Variants in SLC25A13 observed in about 807,000 individuals in gnomAD.
The protein encoded by SLC25A13 is electrogenic aspartate/glutamate antiporter SLC25A13, mitochondrial.
A neutral mutation model predicts 85.5 loss-of-function variants in SLC25A13; 70 were observed. The observed-to-expected ratio is 0.82, with a 90% CI of 0.68 to 1.00. The LOEUF is 1.00. Ranked by LOEUF, SLC25A13 falls within the 50% of genes least tolerant of loss-of-function variation. The probability of loss-of-function intolerance (pLI) is 0.00; values close to 1 mark genes in which losing one functional copy is unlikely to be tolerated. For synonymous variants in SLC25A13, 259 were observed against 288.7 expected (o/e 0.90, Z 1.04); for missense variants, 765 against 819.8 (o/e 0.93, Z 0.82).
chr7:96,186,836 G>T (rs533176618), intron 9 of SLC25A13, among the ~76,000 whole-genome samples: 2 of 152,120 alleles, frequency 1.3e-5, no homozygotes, highest in African/African-American at 4.8e-5. Flanking sequence ...TATACAAAAT[G>T]ATGTCACTTT....
rs765632410 is a variant in SLC25A13, at chr7:96,121,336, T to A, written c.1883A>T (p.Asn628Ile). 5.0e-6 allele frequency: 8 copies of A among 1,614,204 alleles called. No homozygotes were observed. The South Asian group carries it at 7.7e-5, about 16-fold the overall frequency. The change falls in exon 18 of 18, where the codon AAC becomes ATC. Residue 628 changes from asparagine (N) to isoleucine (I), a missense_variant. Coordinates refer to ENST00000265631, the MANE Select transcript of SLC25A13 (RefSeq NM_014251.3). ...GTGATCAGGATTCGGGGCAGGCAGG[T>A]TGATCCTGGATTTAGGAACTGGCTC... ...GSEPVPKSRI[N>I]LPAPNPDHVG...
intron 15 of SLC25A13, among the ~76,000 whole-genome samples, chr7:96,122,309 G>C (rs1184954141): frequency 1.3e-5 from 2 of 152,180 alleles, no homozygotes; most frequent in Non-Finnish European, 2.9e-5. Flanking sequence ...AAGTGGTTGA[G>C]AATAAGTGGA....
chr7:96,151,852 G>A (rs937193460), intron 13 of SLC25A13, among the ~76,000 whole-genome samples: 2 of 151,918 alleles, frequency 1.3e-5, no homozygotes, highest in African/African-American at 4.8e-5. Context: ...GGCTGAGGCA[G>A]GAGAATCACT....
At chr7:96,286,444 G>C (rs1343290967) in intron 2 of SLC25A13, among the ~76,000 whole-genome samples, 1 of 152,072 alleles carries the variant, frequency 6.6e-6, no homozygotes, top group Non-Finnish European at 1.5e-5. Flanking sequence ...TCTTTACTTT[G>C]TATGTGTTGT....
chr7:96,138,824 C>T (rs1322720735), intron 14 of SLC25A13, among the ~76,000 whole-genome samples: 1 of 152,048 alleles, frequency 6.6e-6, no homozygotes, highest in Non-Finnish European at 1.5e-5. Flanking sequence ...TTAAGGAATC[C>T]TTTTTTTCTG....
At chr7:96,229,534 C>T (rs1796452196) in intron 4 of SLC25A13, among the ~76,000 whole-genome samples, 1 of 151,968 alleles carries the variant, frequency 6.6e-6, no homozygotes, top group Non-Finnish European at 1.5e-5. Context: ...TGTTCTTTTG[C>T]TCTTCACAAT....
chr7:96,244,143 G>A (rs184736390), intron 3 of SLC25A13, among the ~76,000 whole-genome samples: 1 of 152,078 alleles, frequency 6.6e-6, no homozygotes, highest in African/African-American at 2.4e-5. Context: ...GTCTGGGGGG[G>A]TCCTGTCCTG....
intron 2 of SLC25A13, among the ~76,000 whole-genome samples, chr7:96,285,180 A>C (rs1426211638): frequency 6.6e-6 from 1 of 152,186 alleles, no homozygotes; most frequent in East Asian, 1.9e-4. Context: ...ATTATAAAAA[A>C]TCAGCCATCT....
intron 2 of SLC25A13, among the ~76,000 whole-genome samples, chr7:96,277,592 C>T (rs1329129350): frequency 6.6e-6 from 1 of 152,054 alleles, no homozygotes; most frequent in African/African-American, 2.4e-5. Flanking sequence ...TTAAGATTGT[C>T]ATAACATGTG....
At position 96,121,926 on chromosome 7, in the gene SLC25A13, C is replaced by T. The variant is rs772632837; in HGVS notation, c.1663G>A (p.Gly555Ser). 3.1e-6 allele frequency: 5 copies of T among 1,613,996 alleles called. No homozygotes were observed. The Admixed American group carries it at 5.0e-5, about 16-fold the overall frequency. The change falls in exon 16 of 18, where the codon GGC becomes AGC. Residue 555 changes from glycine to serine, a missense_variant. By Grantham distance (56) the Gly-to-Ser change is moderately conservative. Transcript: ENST00000265631. ...KTRLQVAARA[G>S]QTTYSGVIDC... ...ATCACTCCGCTGTAAGTGGTTTGGC[C>T]AGCCCGGGCAGCCACCTGTAATCTC...
chr7:96,297,012 G>T, intron 1 of SLC25A13, 61 bp from the exon 2 acceptor site: 1 of 1,405,708 alleles, frequency 7.1e-7, no homozygotes, highest in East Asian at 2.3e-5. Context: ...CAAGCTAGCC[G>T]ACTAAAGGAA....
At chr7:96,189,814 T>C in intron 7 of SLC25A13, 140 bp from the exon 8 acceptor site, 1 of 788,378 alleles carries the variant, frequency 1.3e-6, no homozygotes, top group South Asian at 1.4e-5. Flanking sequence ...TCAATCCAAA[T>C]AAGGTAAGAA....
intron 2 of SLC25A13, among the ~76,000 whole-genome samples, chr7:96,279,069 AAGGCTAGGCTCCCAGAAG>A (rs1214656263): frequency 6.6e-6 from 1 of 152,200 alleles, no homozygotes; most frequent in Non-Finnish European, 1.5e-5. Flanking sequence ...GCAATTTTCA[AAGGCTAGGCTCCCAGAAG>A]AGAAATTGTT....
At chr7:96,253,710 A>T (rs1797521571) in intron 3 of SLC25A13, among the ~76,000 whole-genome samples, 1 of 152,158 alleles carries the variant, frequency 6.6e-6, no homozygotes, top group Non-Finnish European at 1.5e-5. Context: ...GGAATGCAGA[A>T]CATAGGAGCA....
chr7:96,286,650 C>T (rs550917193), intron 2 of SLC25A13, among the ~76,000 whole-genome samples: 11 of 152,272 alleles, frequency 7.2e-5, no homozygotes, highest in Admixed American at 2.6e-4. Flanking sequence ...GGGTTTTTTA[C>T]ACTTACACAC....
At chr7:96,295,127 C>G (rs1261123236) in intron 2 of SLC25A13, among the ~76,000 whole-genome samples, 1 of 152,068 alleles carries the variant, frequency 6.6e-6, no homozygotes, top group African/African-American at 2.4e-5. Context: ...GAGGCCAAGG[C>G]GTGCAGATCA....
intron 4 of SLC25A13, among the ~76,000 whole-genome samples, chr7:96,212,807 G>A (rs1795752882): frequency 6.6e-6 from 1 of 152,104 alleles, no homozygotes; most frequent in South Asian, 2.1e-4. Context: ...GCTATGGAAA[G>A]AACAGTTGGC....
chr7:96,160,979 T>C (rs1412398398), intron 13 of SLC25A13, among the ~76,000 whole-genome samples: 1 of 151,978 alleles, frequency 6.6e-6, no homozygotes, highest in South Asian at 2.1e-4. Flanking sequence ...TTAGCATTTT[T>C]TTTTTTTTTT....
intron 13 of SLC25A13, among the ~76,000 whole-genome samples, chr7:96,153,039 G>A (rs1017669594): frequency 2.0e-5 from 3 of 152,208 alleles, no homozygotes; most frequent in African/African-American, 7.2e-5. Flanking sequence ...GGGGAAGAGA[G>A]TGAAAAGATA....
Sources: gnomAD v4.1 joint callset for allele counts (sites outside exome capture counted in the v4.1 genomes callset) on GRCh38, gnomAD v4.1.1 for gene constraint, MANE v1.5 for transcripts, NCBI Gene and HGNC (gene_info 2026-07-23, HGNC 2026-07-21) for gene names.